Variants in TET2 observed in about 807,000 individuals in gnomAD.
TET2 encodes methylcytosine dioxygenase TET2.
In TET2, 299 loss-of-function variants were observed where a neutral mutation model predicts 142.9. The ratio of observed to expected loss-of-function variants is 2.09; its 90% CI spans 1.90 to 2.30. TET2 has a LOEUF of 2.30. Among genes scored for constraint, TET2 ranks in the 30% most tolerant of loss-of-function variants. TET2 has a pLI of 0.00. For missense variants in TET2, 2,418 were observed against 2,378.0 expected (o/e 1.02, Z -0.35); for synonymous variants, 819 against 849.0 (o/e 0.96, Z 0.61).
chr4:105,276,685 A>C lies in TET2; in HGVS notation c.*166A>C. On this transcript the variant is annotated 3_prime_UTR_variant, in exon 11 of 11. Coordinates refer to ENST00000380013, the MANE Select transcript of TET2 (RefSeq NM_001127208.3). ...ACAAAAGAGGTTATCTTACCATAGC[A>C]CTTAATTTTCACTGGCTCCCAAGTG... 1 of 757,086 alleles carries C rather than the reference A, an allele frequency of 1.3e-6. No individual in the cohort carries two copies. Among genetic ancestry groups the C allele is most frequent in the Non-Finnish European group, 2.0e-6 (1 of 496,282 alleles). 46.9% of individuals were successfully genotyped at this position (757,086 alleles called of 1,614,324 possible).
At chr4:105,241,295 G>GACCTCAAT in intron 3 of TET2, 44 bp from the exon 4 acceptor site, 2 of 1,512,626 alleles carry the variant, frequency 1.3e-6, no homozygotes, top group Non-Finnish European at 1.8e-6. Context: ...TTTATATTTA[G>GACCTCAAT]TATAATTGAG....
At chr4:105,223,658 A>G (rs769804486) in intron 2 of TET2, among the ~76,000 whole-genome samples, 3 of 152,164 alleles carry the variant, frequency 2.0e-5, no homozygotes, top group South Asian at 2.1e-4. Flanking sequence ...GACACAAGCT[A>G]TGTCCCATGT....
intron 2 of TET2, among the ~76,000 whole-genome samples, chr4:105,224,684 G>GTCTCTCTCTCTCTC (rs34870510): frequency 0.03 from 3,242 of 108,064 alleles, 344 homozygotes; most frequent in Non-Finnish European, 0.036. Flanking sequence ...ATATCAGCCA[G>GTCTCTCTCTCTCTC]TCTCTCTCTC....
intron 2 of TET2, among the ~76,000 whole-genome samples, chr4:105,214,580 C>T (rs992147496): frequency 2.0e-5 from 3 of 150,736 alleles, no homozygotes; most frequent in Non-Finnish European, 4.4e-5. Context: ...ACCACCACAC[C>T]CAACCCTGAG....
At position 105,234,276 on chromosome 4, in the gene TET2, T is replaced by TTGAAACAAGACCAAAAGGC; in HGVS notation, c.336_354dup (p.Asn119GlufsTer7). The TTGAAACAAGACCAAAAGGC allele has an allele frequency of 6.2e-7, 1 of 1,613,936 alleles. No individual in the cohort carries two copies. The highest frequency in any genetic ancestry group is 8.5e-7 in the Non-Finnish European group (1 of 1,179,978). On this transcript the variant is annotated frameshift_variant, in exon 3 of 11. Transcript: ENST00000380013. LOFTEE classifies it high-confidence loss of function. ...CTCTGGGCTCCTTCAGATCAAGAAA[T>TTGAAACAAGACCAAAAGGC]TGAAACAAGACCAAAAGGCTAATGG...
At chr4:105,166,304 A>G (rs970278421) in intron 1 of TET2, among the ~76,000 whole-genome samples, 7 of 152,086 alleles carry the variant, frequency 4.6e-5, no homozygotes, top group East Asian at 1.9e-4. Flanking sequence ...ATTATGCCAC[A>G]TTTTTGTTTC....
At chr4:105,147,775 C>G (rs1446482079) in intron 1 of TET2, 1 of 150,308 alleles carries the variant, frequency 6.7e-6, no homozygotes, top group African/African-American at 2.5e-5. Context: ...GTGCTTCTCC[C>G]GAATCAGCTT....
At position 105,236,719 on chromosome 4, in the gene TET2, A is replaced by C. The variant is rs373958593; in HGVS notation, c.2777A>C (p.Asn926Thr). The change falls in exon 3 of 11, where the codon AAT becomes ACT. Residue 926 changes from asparagine to threonine, a missense_variant. Physicochemically the swap from Asn to Thr is moderately conservative, Grantham distance 65. Transcript: ENST00000380013. ...AGGTACTTGATACATAACCATGCAA[A>C]TGTTTTTCCTGTGCCTGACCAGGGA... ...QQRYLIHNHA[N>T]VFPVPDQGGS... is the part of the protein sequence containing the mutation. 2.5e-6 allele frequency: 4 copies of C among 1,614,018 alleles called. No homozygotes were observed. Among genetic ancestry groups the C allele is most frequent in the Non-Finnish European group, 3.4e-6 (4 of 1,180,026 alleles).
At chr4:105,239,377 G>A (rs1046134574) in intron 3 of TET2, 27 of 240,608 alleles carry the variant, frequency 1.1e-4, no homozygotes, top group African/African-American at 5.6e-4. Flanking sequence ...ATAGTAGGCT[G>A]TTTAGTACAG....
Position 105,259,972 on chromosome 4 carries a change from C to T in TET2, c.3954+203C>T, listed in dbSNP as rs564226129. ...ATAAAATTTGAGCAACAAAAACTTC[C>T]TCTTTGGTCTTTTATGTTAATTCCA... is the stretch of plus-strand genomic sequence containing the variant. On this transcript the variant is annotated intron_variant, in intron 7 of 10. Coordinates refer to ENST00000380013, the MANE Select transcript of TET2 (RefSeq NM_001127208.3). Among the ~76,000 whole-genome samples the T allele has an allele frequency of 3.3e-5, 5 of 152,168 alleles. No individual in the cohort carries two copies. In the East Asian group the frequency reaches 9.7e-4, roughly 29 times the overall value.
intron 3 of TET2, chr4:105,237,635 T>C (rs1010774429): frequency 1.4e-6 from 2 of 1,426,802 alleles, no homozygotes; most frequent in South Asian, 1.5e-5. Context: ...CTGTTTTAGA[T>C]CAATTCGCCT....
intron 2 of TET2, among the ~76,000 whole-genome samples, chr4:105,206,500 G>C (rs1237978516): frequency 6.6e-6 from 1 of 152,168 alleles, no homozygotes; most frequent in African/African-American, 2.4e-5. Flanking sequence ...TGTCCTGTTA[G>C]TTTTGTCTAT....
chr4:105,262,881 CAAA>C (rs34819518), intron 8 of TET2, among the ~76,000 whole-genome samples: 2 of 133,742 alleles, frequency 1.5e-5, no homozygotes, highest in Non-Finnish European at 3.3e-5. Flanking sequence ...AACTCCATCT[CAAA>C]AAAAAAAAAA....
Position 105,169,892 on chromosome 4 carries a change from T to C in TET2, c.-192-20468T>C, listed in dbSNP as rs138355454. 5.1e-3 allele frequency among the ~76,000 whole-genome samples: 773 copies of C among 152,078 alleles called. 6 individuals are homozygous for C. Among genetic ancestry groups the C allele is most frequent in the African/African-American group, 0.018 (734 of 41,388 alleles). ...TGCTTTGTCAAAGGTCAGTTGGCTG[T>C]AAGTATGTGGGTTTCTTTCTTGGTT... On this transcript the variant is annotated intron_variant, in intron 1 of 10. Coordinates refer to ENST00000380013, the MANE Select transcript of TET2 (RefSeq NM_001127208.3).
At chr4:105,217,338 A>T (rs1044892699) in intron 2 of TET2, among the ~76,000 whole-genome samples, 1 of 152,102 alleles carries the variant, frequency 6.6e-6, no homozygotes, top group Non-Finnish European at 1.5e-5. Context: ...TTGCATAGGT[A>T]TGTGTCCTTT....
chr4:105,232,861 C>T (rs573040307), intron 2 of TET2, among the ~76,000 whole-genome samples: 51 of 152,270 alleles, frequency 3.3e-4, no homozygotes, highest in African/African-American at 1.2e-3. Context: ...CTTTTCATCA[C>T]CCCTATTCTG....
intron 6 of TET2, among the ~76,000 whole-genome samples, chr4:105,251,907 G>A (rs1729885550): frequency 6.6e-6 from 1 of 152,172 alleles, no homozygotes; most frequent in African/African-American, 2.4e-5. Context: ...TAGGGTAAAA[G>A]CACATTGAAT....
chr4:105,153,245 C>T (rs1006824267), intron 1 of TET2, among the ~76,000 whole-genome samples: 7 of 152,194 alleles, frequency 4.6e-5, no homozygotes, highest in Non-Finnish European at 8.8e-5. Context: ...TATCATATCA[C>T]AACCATGATA....
At chr4:105,210,588 A>G (rs1450461492) in intron 2 of TET2, among the ~76,000 whole-genome samples, 1 of 152,314 alleles carries the variant, frequency 6.6e-6, no homozygotes, top group East Asian at 1.9e-4. Flanking sequence ...TATTCGAAAT[A>G]GAAGCCTTAA....
Sources: allele counts gnomAD v4.1 joint callset (sites outside exome capture counted in the v4.1 genomes callset), GRCh38; gene constraint gnomAD v4.1.1; transcripts MANE v1.5; gene names NCBI Gene and HGNC (gene_info 2026-07-23, HGNC 2026-07-21).